PSMG2: variants seen among roughly 807,000 people sequenced by gnomAD.
The protein encoded by PSMG2 is proteasome assembly chaperone 2, also known as CD40 ligand-activated specific transcript 3.
Under a neutral mutation model 31.5 loss-of-function variants are expected in PSMG2, and 21 were observed. The ratio of observed to expected loss-of-function variants is 0.67; its 90% CI spans 0.47 to 0.96. PSMG2 has a LOEUF of 0.96. PSMG2 is among the 40% of genes least tolerant of loss of function. The pLI, the probability that PSMG2 is intolerant of heterozygous loss-of-function variation, is 0.00. For synonymous variants in PSMG2, 120 were observed against 110.4 expected (o/e 1.09, Z -0.54); for missense variants, 318 against 321.2 (o/e 0.99, Z 0.08).
chr18:12,719,657 G>A (rs555294755), intron 4 of PSMG2, among the ~76,000 whole-genome samples: 1 of 150,490 alleles, frequency 6.6e-6, no homozygotes, highest in Non-Finnish European at 1.5e-5. Context: ...AAAATGCTGG[G>A]ATTACAGGCA....
chr18:12,715,839 A>G (rs796304657), intron 3 of PSMG2, among the ~76,000 whole-genome samples: 4 of 152,222 alleles, frequency 2.6e-5, no homozygotes, highest in African/African-American at 7.2e-5. Context: ...TATGACGTAC[A>G]TGAGAAAAGT....
At chr18:12,709,462 G>A (rs1483802620) in intron 2 of PSMG2, among the ~76,000 whole-genome samples, 1 of 151,668 alleles carries the variant, frequency 6.6e-6, no homozygotes, top group Non-Finnish European at 1.5e-5. Flanking sequence ...AAGAAGCTGG[G>A]ATTGTAGGCA....
intron 1 of PSMG2, chr18:12,662,111 GT>G (rs1449270625): frequency 4.5e-6 from 2 of 440,718 alleles, no homozygotes; most frequent in Non-Finnish European, 9.0e-6. Context: ...CACCATCACT[GT>G]GCAGCCCAAG....
intron 2 of PSMG2, among the ~76,000 whole-genome samples, chr18:12,707,161 T>C (rs952396070): frequency 1.3e-4 from 20 of 152,184 alleles, no homozygotes; most frequent in African/African-American, 4.3e-4. Flanking sequence ...GGTTTCACTG[T>C]GTTAGCCAGG....
chr18:12,698,096 AG>A (rs1321741419), upstream of PSMG2, among the ~76,000 whole-genome samples: 2 of 151,980 alleles, frequency 1.3e-5, no homozygotes, highest in African/African-American at 4.8e-5. Context: ...TGGAGAAATA[AG>A]AAAAAAAAGA....
intron 2 of PSMG2, among the ~76,000 whole-genome samples, chr18:12,711,586 A>G (rs1008764467): frequency 6.6e-6 from 1 of 152,070 alleles, no homozygotes; most frequent in Non-Finnish European, 1.5e-5. Flanking sequence ...CACGCCAGCC[A>G]TAGGAGACAA....
chr18:12,663,915 A>AG lies in PSMG2; in HGVS notation c.-37+5143dup, dbSNP rs1408537445. Among the ~76,000 whole-genome samples, 482 of 152,332 alleles carry AG rather than the reference A, an allele frequency of 3.2e-3. 1 individual carries two copies. Among genetic ancestry groups the AG allele is most frequent in the African/African-American group, 0.011 (459 of 41,576 alleles). ...CACAGTGGTTTATGCCTGTAATCCCAGCACTTTGGGAGGTTGAGGCAGGCA... is the reference window on the plus strand; with the variant it reads ...CACAGTGGTTTATGCCTGTAATCCCAGGCACTTTGGGAGGTTGAGGCAGGCA... On this transcript the variant is annotated intron_variant, in intron 1 of 6. Transcript: ENST00000585331.
chr18:12,689,574 G>A (rs554058960), intron 1 of PSMG2, among the ~76,000 whole-genome samples: 13 of 143,996 alleles, frequency 9.0e-5, no homozygotes, highest in African/African-American at 2.9e-4. Flanking sequence ...AGAGGAAGTC[G>A]TTTAAGTAAT....
intron 1 of PSMG2, among the ~76,000 whole-genome samples, chr18:12,696,027 C>T (rs186186936): frequency 1.8e-4 from 27 of 152,228 alleles, no homozygotes; most frequent in Middle Eastern, 3.4e-3. Flanking sequence ...CACATCAAAA[C>T]GATTTAATGT....
At chr18:12,663,339 C>G (rs1371498192) in intron 1 of PSMG2, 3 of 152,218 alleles carry the variant, frequency 2.0e-5, no homozygotes, top group African/African-American at 7.2e-5. Context: ...GTGGCATGAT[C>G]TCAGCTCACT....
chr18:12,688,243 A>C lies in PSMG2; in HGVS notation c.-36-18307A>C, dbSNP rs543576558. 2.9e-3 allele frequency among the ~76,000 whole-genome samples: 446 copies of C among 152,016 alleles called. 2 individuals are homozygous for C. Among genetic ancestry groups the C allele is most frequent in the African/African-American group, 7.6e-3 (316 of 41,478 alleles). On this transcript the variant is annotated intron_variant, in intron 1 of 6. Transcript: ENST00000585331. ...GACTCCATCTCAAAAAAAAAAAAAA[A>C]AAAACAAAACCTAGTGGCCTTAAAG...
chr18:12,699,056 C>G, upstream of PSMG2: 1 of 1,613,986 alleles, frequency 6.2e-7, no homozygotes, highest in Non-Finnish European at 8.5e-7. Flanking sequence ...AGGTTTAGAA[C>G]GAAAACGTTG....
At chr18:12,699,506 C>A (rs933210675), upstream of PSMG2, among the ~76,000 whole-genome samples, 1 of 152,130 alleles carries the variant, frequency 6.6e-6, no homozygotes, top group Non-Finnish European at 1.5e-5. Context: ...CATTCCTCCA[C>A]CTTCACAAAC....
At chr18:12,695,359 C>T in intron 1 of PSMG2, 1 of 1,369,284 alleles carries the variant, frequency 7.3e-7, no homozygotes, top group Non-Finnish European at 1.0e-6. Context: ...TGCCTATAAA[C>T]ATAAATATTT....
At chr18:12,707,646 A>G (rs2040283585) in intron 2 of PSMG2, among the ~76,000 whole-genome samples, 1 of 152,196 alleles carries the variant, frequency 6.6e-6, no homozygotes, top group South Asian at 2.1e-4. Context: ...CCAGGTGAGT[A>G]AGAGAAGAGC....
At chr18:12,724,111 T>C (rs2040454372) in intron 5 of PSMG2, 1 of 168,620 alleles carries the variant, frequency 5.9e-6, no homozygotes. Flanking sequence ...TCTTCCACAG[T>C]TTCCCTCACT....
intron 4 of PSMG2, 43 bp downstream of exon 4, chr18:12,718,678 A>C (rs1435788438): frequency 1.4e-5 from 19 of 1,364,610 alleles, no homozygotes; most frequent in Admixed American, 4.3e-5. Flanking sequence ...TATGGTTTAT[A>C]CTATGATAAT....
At chr18:12,697,514 A>C in intron 1 of PSMG2, 1 of 767,220 alleles carries the variant, frequency 1.3e-6, no homozygotes. Context: ...TATAAAACCA[A>C]AGAGAACAAT....
chr18:12,661,897 C>G (rs2144936213), intron 1 of PSMG2: 1 of 177,550 alleles, frequency 5.6e-6, no homozygotes, highest in Non-Finnish European at 1.2e-5. Context: ...CTGAACAACT[C>G]AAATCAACAT....
Sources: allele counts gnomAD v4.1 joint callset (sites outside exome capture counted in the v4.1 genomes callset), GRCh38; gene constraint gnomAD v4.1.1; transcripts MANE v1.5; gene names NCBI Gene and HGNC (gene_info 2026-07-23, HGNC 2026-07-21).